The following CACNA1D variants were observed in gnomAD, a reference collection of about 807,000 sequenced individuals.
CACNA1D encodes voltage-dependent L-type calcium channel subunit alpha-1D.
A neutral mutation model predicts 257.1 loss-of-function variants in CACNA1D; 55 were observed. The observed-to-expected ratio is 0.21, with a 90% confidence interval of 0.17 to 0.27. The LOEUF is 0.27. Among genes scored for constraint, CACNA1D ranks in the 10% least tolerant of loss-of-function variants. The pLI, the probability that CACNA1D is intolerant of heterozygous loss-of-function variation, is 1.00. For missense variants in CACNA1D, 1,876 were observed against 2,784.0 expected, an observed-to-expected ratio of 0.67 and a Z score of 7.34; for synonymous variants, 980 against 1,014.9, an observed-to-expected ratio of 0.97 and a Z score of 0.65.
chr3:53,732,210 G>C, intron 18 of CACNA1D, 128 bp downstream of exon 18: 2 of 741,172 alleles, frequency 2.7e-6, no homozygotes, highest in Non-Finnish European at 2.5e-6. Context: ...CACCAAGGCC[G>C]TGGGACCAGT....
chr3:53,524,666 C>T (rs1433088645), intron 3 of CACNA1D, among the ~76,000 whole-genome samples: 2 of 152,160 alleles, frequency 1.3e-5, no homozygotes, highest in African/African-American at 4.8e-5. Flanking sequence ...TAATTAATTT[C>T]TTGTTCAGCT....
chr3:53,724,949 G>T (rs2094919807), intron 14 of CACNA1D, among the ~76,000 whole-genome samples: 1 of 150,544 alleles, frequency 6.6e-6, no homozygotes. Flanking sequence ...TTAAATTTTG[G>T]CTGCTGATCA....
At chr3:53,526,666 G>A (rs781751334) in intron 3 of CACNA1D, among the ~76,000 whole-genome samples, 8 of 152,196 alleles carry the variant, frequency 5.3e-5, no homozygotes, top group Non-Finnish European at 1.0e-4. Context: ...TAATCTTTCT[G>A]AGGTTTTGTA....
chr3:53,726,134 G>A (rs979469530), intron 14 of CACNA1D, among the ~76,000 whole-genome samples: 4 of 152,226 alleles, frequency 2.6e-5, no homozygotes, highest in Admixed American at 1.3e-4. Flanking sequence ...GGTCTCCAGA[G>A]TATGTTGTTG....
chr3:53,719,025 C>T (rs1425078546), intron 10 of CACNA1D, among the ~76,000 whole-genome samples: 1 of 118,136 alleles, frequency 8.5e-6, no homozygotes, highest in Non-Finnish European at 1.8e-5. Context: ...TGGCAGCTGG[C>T]GGGGGGGCTG....
intron 1 of CACNA1D, among the ~76,000 whole-genome samples, chr3:53,496,787 TTAG>T (rs2090370266): frequency 6.6e-6 from 1 of 152,158 alleles, no homozygotes; most frequent in Non-Finnish European, 1.5e-5. Context: ...CTGTTACTCA[TTAG>T]AGATAGATGG....
At position 53,555,437 on chromosome 3, in the gene CACNA1D, G is replaced by GGTGT. The variant is rs1165879084; in HGVS notation, c.483+53738_483+53741dup. On this transcript the variant is annotated intron_variant, in intron 3 of 47. Transcript: ENST00000350061. ...TGCTCTCTGGCTGCTTTTTCTGGTG[G>GGTGT]GTGTGTGTGTGTGTGTGTGTGTGTT... Among the ~76,000 whole-genome samples, 510 of 122,878 alleles carry GGTGT rather than the reference G, an allele frequency of 4.2e-3. 43 individuals carry two copies. In the South Asian group the frequency reaches 0.08, roughly 19 times the overall value. The allele number at this position is 122,878 out of a possible 152,430, so 80.6% of individuals were successfully genotyped here. A position where few individuals can be genotyped will look rare whatever the true frequency, so the allele number is the denominator to read the frequency against.
intron 3 of CACNA1D, among the ~76,000 whole-genome samples, chr3:53,645,084 A>C (rs916484400): frequency 6.6e-6 from 1 of 152,206 alleles, no homozygotes; most frequent in Non-Finnish European, 1.5e-5. Context: ...GATGTTGAGC[A>C]CTTTTTCATG....
chr3:53,648,169 A>G (rs1047200263), intron 3 of CACNA1D, among the ~76,000 whole-genome samples: 1 of 152,164 alleles, frequency 6.6e-6, no homozygotes, highest in Non-Finnish European at 1.5e-5. Flanking sequence ...ACTGCTATGA[A>G]TATTGATGGC....
intron 3 of CACNA1D, among the ~76,000 whole-genome samples, chr3:53,516,526 G>A (rs994620065): frequency 1.3e-5 from 2 of 152,228 alleles, no homozygotes; most frequent in African/African-American, 4.8e-5. Context: ...CTGGGTGAGT[G>A]GTGCTGCAGC....
intron 21 of CACNA1D, chr3:53,740,578 G>T (rs2095107190): frequency 1.8e-5 from 8 of 440,070 alleles, no homozygotes; most frequent in African/African-American, 4.2e-5. Flanking sequence ...TTTTTTTTTT[G>T]TCTTTCGTGG....
chr3:53,696,263 T>C (rs1360220534), intron 8 of CACNA1D, among the ~76,000 whole-genome samples: 1 of 152,266 alleles, frequency 6.6e-6, no homozygotes, highest in African/African-American at 2.4e-5. Context: ...CCTCTGTGTC[T>C]GGCCTTGTAG....
intron 3 of CACNA1D, among the ~76,000 whole-genome samples, chr3:53,584,330 T>C (rs9311507): frequency 0.96 from 146,370 of 152,314 alleles, 70,364 homozygotes; most frequent in East Asian, 1. Context: ...CATGAAGCAT[T>C]GTAAGAAACT....
chr3:53,707,138 G>T (rs182069682), intron 9 of CACNA1D, among the ~76,000 whole-genome samples: 1 of 151,856 alleles, frequency 6.6e-6, no homozygotes, highest in Non-Finnish European at 1.5e-5. Flanking sequence ...TTGGAGATGC[G>T]CTCACATTAT....
intron 3 of CACNA1D, among the ~76,000 whole-genome samples, chr3:53,594,696 G>A (rs2093348898): frequency 6.6e-6 from 1 of 152,254 alleles, no homozygotes; most frequent in South Asian, 2.1e-4. Context: ...AGTAATGGCA[G>A]GTGGCTGATC....
At chr3:53,596,699 G>T (rs753118172) in intron 3 of CACNA1D, among the ~76,000 whole-genome samples, 12 of 152,162 alleles carry the variant, frequency 7.9e-5, no homozygotes, top group Non-Finnish European at 1.3e-4. Flanking sequence ...AAAAGGCAAG[G>T]AAACAGGTTC....
chr3:53,618,138 C>T (rs535977049), intron 3 of CACNA1D, among the ~76,000 whole-genome samples: 1 of 152,292 alleles, frequency 6.6e-6, no homozygotes, highest in Admixed American at 6.5e-5. Context: ...TCTTGTGGTC[C>T]CACTTGGTAG....
chr3:53,546,405 CTT>C (rs1316422162), intron 3 of CACNA1D, among the ~76,000 whole-genome samples: 3 of 152,114 alleles, frequency 2.0e-5, no homozygotes, highest in Non-Finnish European at 4.4e-5. Context: ...ACTGTCCAGA[CTT>C]TTCTGTATTG....
intron 3 of CACNA1D, among the ~76,000 whole-genome samples, chr3:53,546,697 C>T (rs185005639): frequency 1.3e-3 from 195 of 152,342 alleles, no homozygotes; most frequent in East Asian, 1.9e-3. Context: ...CCAGGCTCAA[C>T]TTACCAGCAT....
Sources: gnomAD v4.1 joint callset for allele counts (sites outside exome capture counted in the v4.1 genomes callset) on GRCh38, gnomAD v4.1.1 for gene constraint, MANE v1.5 for transcripts, NCBI Gene and HGNC (gene_info 2026-07-23, HGNC 2026-07-21) for gene names.